Variants in VEGFC observed in about 807,000 individuals in gnomAD.
VEGFC encodes the protein vascular endothelial growth factor C, also known as FLT4 ligand DHM.
In VEGFC, 12 loss-of-function variants were observed where a neutral mutation model predicts 46.1. The observed-to-expected ratio is 0.26, with a 90% CI of 0.17 to 0.42. The LOEUF (loss-of-function observed/expected upper bound fraction) is 0.42, where lower values mean the gene tolerates loss of function less well. VEGFC is among the 10% of genes least tolerant of loss of function. The probability of loss-of-function intolerance (pLI) is 1.00; values close to 1 mark genes in which losing one functional copy is unlikely to be tolerated. For synonymous variants in VEGFC, 232 were observed against 195.5 expected (o/e 1.19, Z -1.56); for missense variants, 488 against 529.4 (o/e 0.92, Z 0.77).
At chr4:176,720,684 AC>A (rs1238910990) in intron 3 of VEGFC, among the ~76,000 whole-genome samples, 4 of 151,932 alleles carry the variant, frequency 2.6e-5, no homozygotes, top group African/African-American at 7.2e-5. Flanking sequence ...TACTACAAAT[AC>A]AAAAAATTAG....
At chr4:176,699,337 A>G (rs1734384291) in intron 4 of VEGFC, among the ~76,000 whole-genome samples, 1 of 152,216 alleles carries the variant, frequency 6.6e-6, no homozygotes, top group Non-Finnish European at 1.5e-5. Context: ...GGGTTATCCA[A>G]CAGGATGTTC....
intron 1 of VEGFC, among the ~76,000 whole-genome samples, chr4:176,789,937 G>T (rs1346119419): frequency 6.6e-6 from 1 of 152,146 alleles, no homozygotes; most frequent in Non-Finnish European, 1.5e-5. Flanking sequence ...TGGGATTATA[G>T]ATATTTAGCA....
intron 1 of VEGFC, among the ~76,000 whole-genome samples, chr4:176,733,866 AG>A (rs1197204555): frequency 2.6e-5 from 4 of 151,868 alleles, no homozygotes; most frequent in Non-Finnish European, 1.5e-5. Context: ...GTAAATTTAA[AG>A]GGGAGACACA....
At chr4:176,729,226 T>C (rs1056617285) in intron 2 of VEGFC, among the ~76,000 whole-genome samples, 1 of 152,214 alleles carries the variant, frequency 6.6e-6, no homozygotes, top group African/African-American at 2.4e-5. Context: ...AATGTTTAAG[T>C]TATTAAACAG....
Position 176,792,882 on chromosome 4 carries a change from G to GAGCGGC in VEGFC, c.-577_-572dup, listed in dbSNP as rs1736132361. Among the ~76,000 whole-genome samples the GAGCGGC allele has an allele frequency of 6.8e-6, 1 of 147,740 alleles. No individual in the cohort carries two copies. Among genetic ancestry groups the GAGCGGC allele is most frequent in the East Asian group, 2.0e-4 (1 of 5,000 alleles). On this transcript the variant is annotated 5_prime_UTR_variant, in exon 1 of 7. Coordinates refer to ENST00000618562, the MANE Select transcript of VEGFC (RefSeq NM_005429.5). The surrounding 1 kb of genome is among the most constrained non-coding windows in gnomAD (Gnocchi z 6.3). ...AGGATCCTCCAGAGCGCGCCGGGCT[G>GAGCGGC]AGCGGCGGCGGCGGCGGCGGCGGGC...
At position 176,711,547 on chromosome 4, in the gene VEGFC, C is replaced by T; in HGVS notation, c.656G>A (p.Arg219Lys). The T allele has an allele frequency of 4.3e-6, 7 of 1,613,572 alleles. No individual in the cohort carries two copies. Among genetic ancestry groups the T allele is most frequent in the Non-Finnish European group, 5.9e-6 (7 of 1,179,680 alleles). ...ACGTCTAATAATGGAATGAACTTGT[C>T]TGTAAACATCCAGTTTAGACATGCA... Reference protein sequence around the residue: ...CRCMSKLDVYRQVHSIIRRSL... With the variant: ...CRCMSKLDVYKQVHSIIRRSL... The change falls in exon 4 of 7, where the codon AGA (arginine) becomes AAA (lysine). Residue 219 changes from arginine (R) to lysine (K), a missense_variant. By Grantham distance (26) the Arg-to-Lys change is conservative. Coordinates refer to ENST00000618562, the MANE Select transcript of VEGFC (RefSeq NM_005429.5).
At chr4:176,701,487 C>CA (rs1734432170) in intron 4 of VEGFC, among the ~76,000 whole-genome samples, 1 of 152,122 alleles carries the variant, frequency 6.6e-6, no homozygotes, top group African/African-American at 2.4e-5. Flanking sequence ...ATCAGCAAGC[C>CA]ATAGGAACGC....
intron 1 of VEGFC, among the ~76,000 whole-genome samples, chr4:176,776,566 C>T (rs1198061971): frequency 2.0e-5 from 3 of 152,158 alleles, no homozygotes; most frequent in Admixed American, 6.5e-5. Flanking sequence ...CAACTGTGCC[C>T]TATATTTCAC....
intron 3 of VEGFC, among the ~76,000 whole-genome samples, chr4:176,721,637 AG>A (rs1215280126): frequency 1.3e-5 from 2 of 152,206 alleles, no homozygotes; most frequent in African/African-American, 4.8e-5. Flanking sequence ...TTTTGGTGAA[AG>A]GAAGAATAAC....
At chr4:176,748,347 T>C (rs2110890299) in intron 1 of VEGFC, among the ~76,000 whole-genome samples, 1 of 152,242 alleles carries the variant, frequency 6.6e-6, no homozygotes, top group African/African-American at 2.4e-5. Context: ...TTATACACTA[T>C]AAAATCTGCT....
intron 1 of VEGFC, among the ~76,000 whole-genome samples, chr4:176,739,331 A>G (rs748447809): frequency 9.2e-5 from 14 of 151,386 alleles, no homozygotes; most frequent in Non-Finnish European, 1.8e-4. Context: ...ATAAATCATT[A>G]TATTACAAAA....
At chr4:176,789,982 T>C (rs1736063711) in intron 1 of VEGFC, among the ~76,000 whole-genome samples, 1 of 152,212 alleles carries the variant, frequency 6.6e-6, no homozygotes, top group Non-Finnish European at 1.5e-5. Flanking sequence ...TTTCTTGGGG[T>C]TCATGTAGTT....
rs181489503 is a variant in VEGFC, at chr4:176,690,580, G to T, written c.705-2653C>A. Among the ~76,000 whole-genome samples the T allele has an allele frequency of 3.4e-3, 513 of 151,980 alleles. 3 individuals carry two copies. The highest frequency in any genetic ancestry group is 0.012 in the African/African-American group (489 of 41,492). On this transcript the variant is annotated intron_variant, in intron 4 of 6. Transcript: ENST00000618562. The stretch of plus-strand genomic sequence containing the variant: ...TCTAGGTTAATCATGAACATATATT[G>T]TTCTAGATAAAATGCAGACAGTCAG...
chr4:176,704,253 G>T (rs1375994215), intron 4 of VEGFC, among the ~76,000 whole-genome samples: 1 of 151,956 alleles, frequency 6.6e-6, no homozygotes, highest in Admixed American at 6.6e-5. Context: ...CTTAAATATT[G>T]ATTTCCCCAC....
intron 4 of VEGFC, among the ~76,000 whole-genome samples, chr4:176,700,881 A>G (rs889725096): frequency 6.6e-6 from 1 of 152,196 alleles, no homozygotes; most frequent in Non-Finnish European, 1.5e-5. Context: ...GATGACAATA[A>G]AAAACACGTT....
At chr4:176,774,540 G>T (rs539321031) in intron 1 of VEGFC, among the ~76,000 whole-genome samples, 3 of 152,212 alleles carry the variant, frequency 2.0e-5, no homozygotes, top group African/African-American at 7.2e-5. Context: ...TATGTAAAAT[G>T]GGGACAACAT....
intron 1 of VEGFC, among the ~76,000 whole-genome samples, chr4:176,757,874 T>C (rs1351407096): frequency 1.3e-5 from 2 of 152,092 alleles, no homozygotes; most frequent in Non-Finnish European, 1.5e-5. Flanking sequence ...AGGGAAAGTA[T>C]AGATTTACCA....
chr4:176,774,586 A>G (rs1437809657), intron 1 of VEGFC, among the ~76,000 whole-genome samples: 1 of 152,212 alleles, frequency 6.6e-6, no homozygotes, highest in Non-Finnish European at 1.5e-5. Context: ...AAATTTAAGT[A>G]TCAAAGAATC....
At chr4:176,727,743 G>T (rs1219912772) in intron 3 of VEGFC, 35 bp downstream of exon 3, 1 of 1,578,008 alleles carries the variant, frequency 6.3e-7, no homozygotes, top group Non-Finnish European at 8.6e-7. Flanking sequence ...TGATTAAGGG[G>T]GCTCTCGCAG....
Sources: gnomAD v4.1 joint callset for allele counts (sites outside exome capture counted in the v4.1 genomes callset) on GRCh38, gnomAD v4.1.1 for gene constraint, Gnocchi (gnomAD v3.1) non-coding constraint, MANE v1.5 for transcripts, NCBI Gene and HGNC (gene_info 2026-07-23, HGNC 2026-07-21) for gene names.